GRID2: variants seen among roughly 807,000 people sequenced by gnomAD.
GRID2 encodes the protein glutamate ionotropic receptor delta type subunit 2.
Under a neutral mutation model 114.8 loss-of-function variants are expected in GRID2, and 33 were observed. The observed-to-expected ratio is 0.29, with a 90% CI of 0.22 to 0.38. GRID2 has a LOEUF of 0.38. GRID2 is among the 10% of genes least tolerant of loss of function. The pLI, the probability that GRID2 is intolerant of heterozygous loss-of-function variation, is 1.00. For synonymous variants in GRID2, 505 were observed against 449.9 expected, an observed-to-expected ratio of 1.12 and a Z score of -1.55; for missense variants, 1,184 against 1,257.7, an observed-to-expected ratio of 0.94 and a Z score of 0.89.
intron 14 of GRID2, among the ~76,000 whole-genome samples, chr4:93,707,043 C>T (rs371573886): frequency 2.1e-3 from 323 of 152,036 alleles, no homozygotes; most frequent in Non-Finnish European, 3.7e-3. Context: ...CTTGCATCGC[C>T]GGAATATATC....
intron 1 of GRID2, among the ~76,000 whole-genome samples, chr4:92,399,740 G>A (rs1730696558): frequency 6.7e-6 from 1 of 150,320 alleles, no homozygotes; most frequent in Admixed American, 6.6e-5. Flanking sequence ...TTTTCAGGTA[G>A]GCAAAACATA....
At chr4:92,914,245 T>G (rs2149493940) in intron 2 of GRID2, among the ~76,000 whole-genome samples, 1 of 152,248 alleles carries the variant, frequency 6.6e-6, no homozygotes, top group East Asian at 1.9e-4. Context: ...AGATTGTGCA[T>G]GGACATTTTT....
chr4:93,269,039 T>C (rs1040725762), intron 8 of GRID2, among the ~76,000 whole-genome samples: 2 of 152,210 alleles, frequency 1.3e-5, no homozygotes, highest in Admixed American at 1.3e-4. Flanking sequence ...CTTACAGATA[T>C]GTAATTTTGA....
At chr4:93,361,657 T>C (rs1259670797) in intron 8 of GRID2, among the ~76,000 whole-genome samples, 1 of 152,056 alleles carries the variant, frequency 6.6e-6, no homozygotes, top group Non-Finnish European at 1.5e-5. Context: ...GGATTATATC[T>C]GCATCTAGTT....
intron 14 of GRID2, among the ~76,000 whole-genome samples, chr4:93,741,990 T>C (rs979747510): frequency 6.6e-6 from 1 of 151,408 alleles, no homozygotes. Context: ...CAGACACACA[T>C]TGAACCACTA....
intron 2 of GRID2, among the ~76,000 whole-genome samples, chr4:93,056,404 T>C (rs1004231721): frequency 1.3e-5 from 2 of 151,764 alleles, no homozygotes; most frequent in Non-Finnish European, 2.9e-5. Context: ...AATCAGCCAC[T>C]GCGTGATTGA....
chr4:92,736,244 G>C (rs1245364058), intron 2 of GRID2, among the ~76,000 whole-genome samples: 1 of 151,996 alleles, frequency 6.6e-6, no homozygotes, highest in South Asian at 2.1e-4. Flanking sequence ...GTTGGAGGTG[G>C]AGGAGGCCTG....
intron 2 of GRID2, among the ~76,000 whole-genome samples, chr4:92,957,745 G>A (rs1362119687): frequency 2.0e-5 from 3 of 151,992 alleles, no homozygotes; most frequent in African/African-American, 4.8e-5. Context: ...AAATTGGGAA[G>A]AATTGACATA....
intron 2 of GRID2, among the ~76,000 whole-genome samples, chr4:92,926,385 G>A (rs1418787663): frequency 6.6e-6 from 1 of 151,952 alleles, no homozygotes. Context: ...GTGTGAATCA[G>A]TATGTACAAT....
intron 8 of GRID2, among the ~76,000 whole-genome samples, chr4:93,389,623 A>G (rs1168409271): frequency 6.6e-6 from 1 of 152,134 alleles, no homozygotes; most frequent in Admixed American, 6.5e-5. Context: ...TCTGGCACAT[A>G]GTTTATAGGT....
At chr4:93,488,907 A>T (rs6532409) in intron 11 of GRID2, among the ~76,000 whole-genome samples, 126,511 of 151,908 alleles carry the variant, frequency 0.83, 53,187 homozygotes, top group African/African-American at 0.95. Flanking sequence ...CAATCTCACT[A>T]TACCTTGATT....
chr4:93,478,031 G>A (rs747630805), intron 11 of GRID2, among the ~76,000 whole-genome samples: 4 of 152,024 alleles, frequency 2.6e-5, no homozygotes, highest in Non-Finnish European at 4.4e-5. Context: ...ACATACAACT[G>A]TGTCAAATTG....
At chr4:93,376,618 A>G (rs1763405205) in intron 8 of GRID2, among the ~76,000 whole-genome samples, 2 of 152,206 alleles carry the variant, frequency 1.3e-5, no homozygotes, top group Admixed American at 1.3e-4. Context: ...GACACTGAGA[A>G]ACTATTCTAA....
chr4:93,434,750 G>A (rs1720906745), intron 10 of GRID2, among the ~76,000 whole-genome samples: 1 of 152,032 alleles, frequency 6.6e-6, no homozygotes, highest in Admixed American at 6.6e-5. Flanking sequence ...GAAGACTTTT[G>A]ATGGGTTTCC....
At chr4:93,073,745 C>G (rs191185512) in intron 2 of GRID2, among the ~76,000 whole-genome samples, 4 of 152,294 alleles carry the variant, frequency 2.6e-5, no homozygotes, top group African/African-American at 9.6e-5. Flanking sequence ...AGGAAACTGT[C>G]TTGGTTCCAG....
chr4:93,792,166 C>T (rs1283523073), intron 1 of GRID2, among the ~76,000 whole-genome samples: 1 of 152,056 alleles, frequency 6.6e-6, no homozygotes, highest in Non-Finnish European at 1.5e-5. Flanking sequence ...CTTATGACAC[C>T]TCCAAGCCCC....
chr4:92,360,251 C>G (rs765710731), intron 1 of GRID2, among the ~76,000 whole-genome samples: 2 of 151,922 alleles, frequency 1.3e-5, no homozygotes, highest in Non-Finnish European at 2.9e-5. Flanking sequence ...TATTCCAAGA[C>G]AACTTGTTGG....
At chr4:93,358,536 A>C (rs574112762) in intron 8 of GRID2, among the ~76,000 whole-genome samples, 48 of 152,126 alleles carry the variant, frequency 3.2e-4, no homozygotes, top group African/African-American at 1.1e-3. Context: ...GCATGTTAGA[A>C]AATAGATAAA....
intron 2 of GRID2, among the ~76,000 whole-genome samples, chr4:92,612,774 G>T (rs1317958585): frequency 6.6e-6 from 1 of 151,184 alleles, no homozygotes; most frequent in Non-Finnish European, 1.5e-5. Flanking sequence ...TTTGTATTTT[G>T]ATCTGAAAAC....
Sources: allele counts gnomAD v4.1 joint callset (sites outside exome capture counted in the v4.1 genomes callset), GRCh38; gene constraint gnomAD v4.1.1; transcripts MANE v1.5; gene names NCBI Gene and HGNC (gene_info 2026-07-23, HGNC 2026-07-21).